Variants in TMEM117 observed in about 807,000 individuals in gnomAD.
The protein encoded by TMEM117 is transmembrane protein 117.
A neutral mutation model predicts 52.4 loss-of-function variants in TMEM117; 27 were observed. The observed-to-expected ratio is 0.51, with a 90% CI of 0.38 to 0.71. The LOEUF (loss-of-function observed/expected upper bound fraction) is 0.71. Ranked by LOEUF, TMEM117 falls within the 30% of genes least tolerant of loss-of-function variation. The pLI, the probability that TMEM117 is intolerant of heterozygous loss-of-function variation, is 0.00. For synonymous variants in TMEM117, 215 were observed against 206.3 expected (o/e 1.04, Z -0.36); for missense variants, 556 against 630.5 (o/e 0.88, Z 1.26).
rs911781937 is a variant in TMEM117, at chr12:43,907,112, G to A, written c.278-37098G>A. ...AATGTCCCTGTCTGACAGCTTTGAA[G>A]AGAGCAGTGGTTCTCCCAGCACGCA... On this transcript the variant is annotated intron_variant, in intron 2 of 7. Transcript: ENST00000266534. Among the ~76,000 whole-genome samples the A allele has an allele frequency of 1.3e-4, 20 of 152,312 alleles. 1 individual carries two copies. The highest frequency in any genetic ancestry group is 1.2e-3 in the Admixed American group (18 of 15,302).
At chr12:44,325,746 A>ATG (rs1323340294) in intron 6 of TMEM117, among the ~76,000 whole-genome samples, 1 of 152,104 alleles carries the variant, frequency 6.6e-6, no homozygotes, top group Non-Finnish European at 1.5e-5. Flanking sequence ...ATCACCTGAT[A>ATG]TGTGTGTGTT....
intron 3 of TMEM117, among the ~76,000 whole-genome samples, chr12:43,949,783 G>A (rs947288822): frequency 6.6e-6 from 1 of 152,150 alleles, no homozygotes; most frequent in African/African-American, 2.4e-5. Context: ...ACTTAGCACA[G>A]GCAAGCATCA....
the TMEM117 span, chr12:43,804,154 A>AT: frequency 0.039 from 12,759 of 325,796 alleles, 6 homozygotes; most frequent in South Asian, 0.058. Context: ...ACAAGTAACT[A>AT]TTTTTTTTTT....
chr12:44,134,045 C>T (rs1418174147), intron 3 of TMEM117, among the ~76,000 whole-genome samples: 1 of 152,174 alleles, frequency 6.6e-6, no homozygotes, highest in Non-Finnish European at 1.5e-5. Flanking sequence ...CTTTTCAACA[C>T]TTTATATTTC....
chr12:43,985,546 G>A (rs1269741934), intron 3 of TMEM117, among the ~76,000 whole-genome samples: 2 of 152,026 alleles, frequency 1.3e-5, no homozygotes, highest in Admixed American at 1.3e-4. Context: ...AAAAGTGCTT[G>A]CAAAAAATAA....
intron 2 of TMEM117, among the ~76,000 whole-genome samples, chr12:43,916,450 T>C (rs957648492): frequency 1.3e-5 from 2 of 152,220 alleles, no homozygotes; most frequent in African/African-American, 4.8e-5. Flanking sequence ...GTATTCAATA[T>C]TTATAATGAT....
intron 7 of TMEM117, among the ~76,000 whole-genome samples, chr12:44,379,645 T>C (rs2138857738): frequency 6.6e-6 from 1 of 152,302 alleles, no homozygotes; most frequent in Non-Finnish European, 1.5e-5. Context: ...TTACTTTACC[T>C]GACTACATTT....
intron 2 of TMEM117, among the ~76,000 whole-genome samples, chr12:43,935,641 C>A (rs183959851): frequency 2.0e-4 from 30 of 152,282 alleles, no homozygotes; most frequent in South Asian, 6.2e-4. Flanking sequence ...TCATAAATCT[C>A]GGAATTGGTC....
At chr12:43,803,414 C>T in the TMEM117 span, among the ~76,000 whole-genome samples, 33 of 152,092 alleles carry the variant, frequency 2.2e-4, no homozygotes, top group East Asian at 4.4e-3. Context: ...TTCTAAAATG[C>T]TTGAAGTAAA....
chr12:44,057,447 C>G (rs1947073564), intron 3 of TMEM117, among the ~76,000 whole-genome samples: 1 of 151,898 alleles, frequency 6.6e-6, no homozygotes, highest in Non-Finnish European at 1.5e-5. Flanking sequence ...TGTGAATACC[C>G]AAAAACCGCA....
At chr12:43,818,481 C>T in the TMEM117 span, among the ~76,000 whole-genome samples, 1 of 151,052 alleles carries the variant, frequency 6.6e-6, no homozygotes, top group Non-Finnish European at 1.5e-5. Flanking sequence ...CGCTCTGTCG[C>T]CTGGACTGGA....
rs575825437 is a variant in TMEM117, at chr12:44,235,217, C to G, written c.608+23830C>G. On this transcript the variant is annotated intron_variant, in intron 5 of 7. Coordinates refer to ENST00000266534, the MANE Select transcript of TMEM117 (RefSeq NM_032256.3). ...AGATATATTTTTTTGACTTTAAAGT[C>G]TGTTTTGTCTGATATTAATATAGAA... Among the ~76,000 whole-genome samples the G allele has an allele frequency of 2.4e-4, 36 of 151,644 alleles. 1 individual carries two copies. The South Asian group carries it at 7.1e-3, about 30-fold the overall frequency.
At chr12:44,213,129 T>C (rs544305839) in intron 5 of TMEM117, among the ~76,000 whole-genome samples, 1 of 152,296 alleles carries the variant, frequency 6.6e-6, no homozygotes, top group African/African-American at 2.4e-5. Flanking sequence ...ATAAGAAATA[T>C]TTATTGATAG....
At chr12:44,081,570 G>T (rs1947482000) in intron 3 of TMEM117, among the ~76,000 whole-genome samples, 1 of 152,050 alleles carries the variant, frequency 6.6e-6, no homozygotes, top group Non-Finnish European at 1.5e-5. Context: ...TAATTAGATG[G>T]CCTTGGAATA....
chr12:43,912,403 C>T (rs1014779571), intron 2 of TMEM117, among the ~76,000 whole-genome samples: 5 of 151,268 alleles, frequency 3.3e-5, no homozygotes, highest in East Asian at 3.9e-4. Flanking sequence ...TGCTAGATGA[C>T]GAGTTAGTGG....
chr12:44,029,757 GA>G (rs1246928054), intron 3 of TMEM117, among the ~76,000 whole-genome samples: 4 of 152,228 alleles, frequency 2.6e-5, no homozygotes, highest in Non-Finnish European at 5.9e-5. Context: ...CTATAGTGGA[GA>G]GGGGTACCTT....
intron 2 of TMEM117, among the ~76,000 whole-genome samples, chr12:43,911,618 A>G (rs1169902949): frequency 6.7e-6 from 1 of 150,192 alleles, no homozygotes; most frequent in African/African-American, 2.4e-5. Context: ...GCTAATATCC[A>G]GAATCTACAA....
At chr12:43,869,725 G>C (rs1943670922) in intron 2 of TMEM117, among the ~76,000 whole-genome samples, 1 of 152,086 alleles carries the variant, frequency 6.6e-6, no homozygotes, top group Non-Finnish European at 1.5e-5. Context: ...CTATTTCCTT[G>C]GATCTCTACA....
At chr12:44,104,812 T>G (rs1947924440) in intron 3 of TMEM117, among the ~76,000 whole-genome samples, 1 of 152,066 alleles carries the variant, frequency 6.6e-6, no homozygotes. Flanking sequence ...ACTATCTTCT[T>G]GCTGTATGGC....
Sources: gnomAD v4.1 joint callset for allele counts (sites outside exome capture counted in the v4.1 genomes callset) on GRCh38, gnomAD v4.1.1 for gene constraint, MANE v1.5 for transcripts, NCBI Gene and HGNC (gene_info 2026-07-23, HGNC 2026-07-21) for gene names.